PHF20L1: variants seen among roughly 807,000 people sequenced by gnomAD.
PHF20L1 encodes PHD finger protein 20-like protein 1.
Under a neutral mutation model 125.5 loss-of-function variants are expected in PHF20L1, and 44 were observed. The ratio of observed to expected loss-of-function variants is 0.35; its 90% CI spans 0.28 to 0.45. The LOEUF (loss-of-function observed/expected upper bound fraction) is 0.45. Among genes scored for constraint, PHF20L1 ranks in the 20% least tolerant of loss-of-function variants. PHF20L1 has a pLI of 1.00. For synonymous variants in PHF20L1, 380 were observed against 403.1 expected (o/e 0.94, Z 0.69); for missense variants, 1,012 against 1,217.2 (o/e 0.83, Z 2.51).
chr8:132,806,438 C>G (rs1757111865), intron 8 of PHF20L1: 1 of 151,958 alleles, frequency 6.6e-6, no homozygotes, highest in Non-Finnish European at 1.5e-5. Flanking sequence ...TCTTCACTTT[C>G]CCTTGGGAGT....
chr8:132,829,647 A>G (rs1315705728), intron 14 of PHF20L1, among the ~76,000 whole-genome samples: 1 of 152,004 alleles, frequency 6.6e-6, no homozygotes, highest in African/African-American at 2.4e-5. Flanking sequence ...GAGGCCCAGG[A>G]ATCTGGGGTT....
At chr8:132,829,676 G>A (rs936159164) in intron 14 of PHF20L1, among the ~76,000 whole-genome samples, 9 of 152,038 alleles carry the variant, frequency 5.9e-5, no homozygotes, top group Admixed American at 5.9e-4. Context: ...TTGCCAGCTT[G>A]TGCACCCTTT....
At position 132,797,156 on chromosome 8, in the gene PHF20L1, A is replaced by G. The variant is rs1332519754; in HGVS notation, c.341-1616A>G. Among the ~76,000 whole-genome samples the G allele has an allele frequency of 4.6e-5, 7 of 152,068 alleles. 1 individual carries two copies. Among genetic ancestry groups the G allele is most frequent in the Non-Finnish European group, 8.8e-5 (6 of 67,994 alleles). ...AACACATAGTGAAATATTGGCAGAT[A>G]CTATTTGTTTTCTGAAAGGTATTAA... On this transcript the variant is annotated intron_variant, in intron 4 of 20. Coordinates refer to ENST00000395386, the MANE Select transcript of PHF20L1 (RefSeq NM_016018.5).
At chr8:132,780,181 A>G (rs933202971) in intron 2 of PHF20L1, among the ~76,000 whole-genome samples, 1 of 152,160 alleles carries the variant, frequency 6.6e-6, no homozygotes, top group Admixed American at 6.5e-5. Context: ...CAGTAGTTTC[A>G]AGAACTAGTT....
chr8:132,804,828 G>C (rs1335960855), intron 8 of PHF20L1, 88 bp downstream of exon 8: 5 of 1,176,192 alleles, frequency 4.3e-6, no homozygotes, highest in Non-Finnish European at 6.1e-6. Context: ...AAATGGTTTT[G>C]ATTTAGTGTC....
chr8:132,782,726 C>A (rs191801842), intron 2 of PHF20L1, among the ~76,000 whole-genome samples: 1 of 151,912 alleles, frequency 6.6e-6, no homozygotes, highest in Non-Finnish European at 1.5e-5. Flanking sequence ...GTAGCTGGGA[C>A]TACAGGCGTA....
At chr8:132,784,899 C>T (rs1367592980) in intron 2 of PHF20L1, among the ~76,000 whole-genome samples, 1 of 152,170 alleles carries the variant, frequency 6.6e-6, no homozygotes, top group Non-Finnish European at 1.5e-5. Context: ...CACTCTTTTT[C>T]ATTGGAATTA....
chr8:132,839,477 C>G lies in PHF20L1; in HGVS notation c.2282C>G (p.Ser761Cys). 1 of 1,612,802 alleles carries G rather than the reference C, an allele frequency of 6.2e-7. No individual in the cohort carries two copies. Among genetic ancestry groups the G allele is most frequent in the African/African-American group, 1.3e-5 (1 of 74,992 alleles). The change falls in exon 18 of 21, where the codon TCT (serine) becomes TGT (cysteine). Residue 761 changes from serine to cysteine, a missense_variant. Physicochemically the swap from Ser to Cys is moderately radical, Grantham distance 112. Around this residue, in one of 7 missense-constraint regions of PHF20L1, gnomAD observed 55 missense variants for 114.8 expected, o/e 0.48. Transcript: ENST00000395386. Reference protein sequence around the residue: ...CGLSFFKENYSHLNAKKIVST... With the variant: ...CGLSFFKENYCHLNAKKIVST... ...TTATCATTTTTCAAAGAAAATTATT[C>G]TCATCTCAATGCCAAAAAGATAGTT...
rs994532417 is a variant in PHF20L1 at position 132,836,641 on chromosome 8, T to A, written c.2011T>A (p.Ser671Thr). 1.2e-6 allele frequency: 2 copies of A among 1,613,032 alleles called. No homozygotes were observed. The highest frequency in any genetic ancestry group is 1.3e-5 in the African/African-American group (1 of 74,868). ...CTTTGATTCAACCAATTTTGAGGAA[T>A]CTCAGGATGAGGATGATGCTCTTAA... ...QDFDSTNFEE[S>T]QDEDDALNEI... The change falls in exon 16 of 21, where the codon TCT becomes ACT. Residue 671 changes from serine to threonine, a missense_variant. Around this residue, in one of 7 missense-constraint regions of PHF20L1, gnomAD observed 320 missense variants for 293.8 expected, o/e 1.09. Coordinates refer to ENST00000395386, the MANE Select transcript of PHF20L1 (RefSeq NM_016018.5).
intron 6 of PHF20L1, among the ~76,000 whole-genome samples, chr8:132,802,137 C>T (rs1277512320): frequency 7.8e-6 from 1 of 127,576 alleles, no homozygotes; most frequent in Non-Finnish European, 1.6e-5. Flanking sequence ...ATTGTTCTCT[C>T]TCAATCCTTT....
chr8:132,831,217 CTT>C (rs756206489), intron 14 of PHF20L1, among the ~76,000 whole-genome samples: 1 of 152,082 alleles, frequency 6.6e-6, no homozygotes, highest in Non-Finnish European at 1.5e-5. Context: ...TAGGGTAAAA[CTT>C]TTTAAAAAAA....
chr8:132,809,462 G>A (rs1303056827), intron 8 of PHF20L1: 1 of 151,982 alleles, frequency 6.6e-6, no homozygotes, highest in East Asian at 1.9e-4. Flanking sequence ...CCACTGTGCT[G>A]GGCCCAAGAA....
chr8:132,775,552 GGAGGCA>G lies in PHF20L1; in HGVS notation c.-119_-114del, dbSNP rs1391718569. 1.9e-5 allele frequency: 7 copies of G among 365,876 alleles called. No individual in the cohort carries two copies. The highest frequency in any genetic ancestry group is 4.6e-5 in the Admixed American group (1 of 21,538). 22.7% of individuals were successfully genotyped at this position (365,876 alleles called of 1,614,324 possible). A position where few individuals can be genotyped will look rare whatever the true frequency, so the allele number is the denominator to read the frequency against. On this transcript the variant is annotated 5_prime_UTR_variant, in exon 1 of 21. Coordinates refer to ENST00000395386, the MANE Select transcript of PHF20L1 (RefSeq NM_016018.5). ...CTCCCTCCCCGGCCGCTGCCTGGGCGGAGGCAGAGGCAGAGGCCCGGGCTGGCCGCC... is the reference window on the plus strand; with the variant it reads ...CTCCCTCCCCGGCCGCTGCCTGGGCGGAGGCAGAGGCCCGGGCTGGCCGCC...
Position 132,843,502 on chromosome 8 carries a change from T to C in PHF20L1, c.2748+627T>C, listed in dbSNP as rs182643508. On this transcript the variant is annotated intron_variant, in intron 19 of 20. Coordinates refer to ENST00000395386, the MANE Select transcript of PHF20L1 (RefSeq NM_016018.5). ...TACCATAAATAAGTACTTAAGTGAA[T>C]TGGAACGTTTGTATTTCGTATCATA... 788 of 984,280 alleles carry C rather than the reference T, an allele frequency of 8.0e-4. 6 individuals are homozygous for C. In the African/African-American group the frequency reaches 0.012, roughly 15 times the overall value. 61.0% of individuals were successfully genotyped at this position (984,280 alleles called of 1,614,324 possible).
At chr8:132,838,320 T>TA (rs1837588441) in intron 17 of PHF20L1, 1 of 165,042 alleles carries the variant, frequency 6.1e-6, no homozygotes, top group Admixed American at 5.7e-5. Context: ...TCGGAGTAGA[T>TA]CTGCATTATG....
chr8:132,842,844 A>C lies in PHF20L1; in HGVS notation c.2717A>C (p.Tyr906Ser). 1 of 1,611,154 alleles carries C rather than the reference A, an allele frequency of 6.2e-7. No individual in the cohort carries two copies. Among genetic ancestry groups the C allele is most frequent in the Non-Finnish European group, 8.5e-7 (1 of 1,178,388 alleles). Residue 906 changes from tyrosine (Y) to serine (S), a missense_variant, in exon 19 of 21, where the codon TAC becomes TCC. Tyr to Ser is a moderately radical substitution (Grantham distance 144). This residue lies in a region of PHF20L1 where 277 missense variants were observed against 283.6 expected (regional missense o/e 0.98). Transcript: ENST00000395386. Reference protein sequence around the residue: ...FHMRSKNSLQYSAKEHGMPEK... With the variant: ...FHMRSKNSLQSSAKEHGMPEK... ...ATGAGAAGTAAAAACAGTTTACAGT[A>C]CTCAGCAAAAGAACATGGAATGCCT...
In PHF20L1 at chr8:132,846,340, A is replaced by G. The variant is rs1838418233; in HGVS notation, c.*417A>G. On this transcript the variant is annotated 3_prime_UTR_variant, in exon 21 of 21. Transcript: ENST00000395386. Reference sequence around the variant, plus strand: ...GGCCAAAAACAAAATTGTAAAGGAAATTTAAATTCTGGAGAATTCTACAGG... The same window carrying G: ...GGCCAAAAACAAAATTGTAAAGGAAGTTTAAATTCTGGAGAATTCTACAGG... 1 of 153,950 alleles carries G rather than the reference A, an allele frequency of 6.5e-6. No homozygotes were observed. The highest frequency in any genetic ancestry group is 1.5e-5 in the Non-Finnish European group (1 of 68,926). 9.5% of individuals were successfully genotyped at this position (153,950 alleles called of 1,614,324 possible).
chr8:132,840,346 A>C lies in PHF20L1; in HGVS notation c.2387+764A>C, dbSNP rs115937092. Among the ~76,000 whole-genome samples the C allele has an allele frequency of 7.4e-3, 1,117 of 151,026 alleles. 10 individuals are homozygous for C. The highest frequency in any genetic ancestry group is 0.025 in the African/African-American group (1,047 of 41,120). ...ACATTGTTCAGTCTGTTCCTCTCTC[A>C]CTTCTCACTGGTACTGTCTCAGCCA... On this transcript the variant is annotated intron_variant, in intron 18 of 20. Transcript: ENST00000395386.
At chr8:132,820,326 C>T (rs1835440961) in intron 12 of PHF20L1, among the ~76,000 whole-genome samples, 1 of 151,728 alleles carries the variant, frequency 6.6e-6, no homozygotes, top group African/African-American at 2.4e-5. Context: ...TTGAAAAATA[C>T]TCTTGGTTCA....
Sources: gnomAD v4.1 joint callset for allele counts (sites outside exome capture counted in the v4.1 genomes callset) on GRCh38, gnomAD v4.1.1 for gene constraint, gnomAD v4.1.1 regional missense constraint, MANE v1.5 for transcripts, NCBI Gene and HGNC (gene_info 2026-07-23, HGNC 2026-07-21) for gene names.